The following ZNF358 variants were observed in gnomAD, a reference collection of about 807,000 sequenced individuals.
ZNF358 encodes the protein zinc finger protein 358.
ZNF358 carries 1 observed loss-of-function variant against 2.1 expected under a neutral mutation model. The observed-to-expected ratio is 0.49, with a 90% CI of 0.17 to 2.30. The LOEUF (loss-of-function observed/expected upper bound fraction) is 2.30. ZNF358 is among the 30% of genes most tolerant of loss of function. ZNF358 has a pLI of 0.26. For synonymous variants in ZNF358, 381 were observed against 359.7 expected (o/e 1.06, Z -0.67); for missense variants, 665 against 806.8 (o/e 0.82, Z 2.13).
At chr19:7,519,063 T>TTAAAA in intron 1 of ZNF358, 142 bp from the exon 2 acceptor site, 1 of 684,774 alleles carries the variant, frequency 1.5e-6, no homozygotes, top group Non-Finnish European at 2.0e-6. Context: ...AGACCCCATC[T>TTAAAA]CAAAAAAAAA....
At position 7,520,499 on chromosome 19, in the gene ZNF358, C is replaced by T. The variant is rs1004709999; in HGVS notation, c.1257C>T (p.Gly419=). Residue 419 remains glycine, a synonymous_variant, in exon 2 of 2, where the codon GGC becomes GGT. Coordinates refer to ENST00000597229, the MANE Select transcript of ZNF358 (RefSeq NM_018083.5). The surrounding 1 kb of genome is among the most constrained non-coding windows in gnomAD (Gnocchi z 6.0). The part of the protein sequence containing the change: ...AAAAAAAAGL[G]LGPGLSPASM... ...CTGCAGCAGCGGCCGCCGGCCTGGG[C>T]CTCGGGCCTGGCCTAAGCCCTGCAT... 23 of 1,275,472 alleles carry T rather than the reference C, an allele frequency of 1.8e-5. No individual in the cohort carries two copies. In the African/African-American group the frequency reaches 3.1e-4, roughly 17 times the overall value. 79.0% of individuals were successfully genotyped at this position (1,275,472 alleles called of 1,614,324 possible).
chr19:7,515,150 G>C (rs191471135), upstream of ZNF358: 1 of 152,124 alleles, frequency 6.6e-6, no homozygotes, highest in East Asian at 1.9e-4. Flanking sequence ...CTCTATCTTG[G>C]TTCAGACATG....
upstream of ZNF358, among the ~76,000 whole-genome samples, chr19:7,514,262 G>A (rs59421185): frequency 0.034 from 5,211 of 152,284 alleles, 255 homozygotes; most frequent in African/African-American, 0.11. Flanking sequence ...TCCAGCTCAC[G>A]TGGGACTGGG....
chr19:7,518,195 C>T (rs1312423991), intron 1 of ZNF358, among the ~76,000 whole-genome samples: 3 of 152,186 alleles, frequency 2.0e-5, no homozygotes, highest in Non-Finnish European at 4.4e-5. Flanking sequence ...AGGTTTGGGG[C>T]TGAGAGGGGA....
rs746963840 is a variant in ZNF358, at chr19:7,520,629, G to T, written c.1387G>T (p.Asp463Tyr). ...TGGCACCAGCTCTGGCCGCAACCCT[G>T]ACCCTGGCTCTGGGCCGGGCACTCT... ...SPGTSSGRNP[D>Y]PGSGPGTLPD... The change falls in exon 2 of 2, where the codon GAC becomes TAC. Residue 463 changes from aspartate (D) to tyrosine (Y), a missense_variant. Around this residue, in one of 3 missense-constraint regions of ZNF358, gnomAD observed 249 missense variants for 227.6 expected, o/e 1.09. Coordinates refer to ENST00000597229, the MANE Select transcript of ZNF358 (RefSeq NM_018083.5). This position sits in a 1 kb window ranked among gnomAD's most constrained non-coding sequence, Gnocchi z 6.0. 3 of 1,542,290 alleles carry T rather than the reference G, an allele frequency of 1.9e-6. No individual in the cohort carries two copies. The highest frequency in any genetic ancestry group is 2.6e-6 in the Non-Finnish European group (3 of 1,133,074).
Position 7,520,699 on chromosome 19 carries a change from C to G in ZNF358, c.1457C>G (p.Pro486Arg), listed in dbSNP as rs781155547. 6.2e-7 allele frequency: 1 copy of G among 1,613,822 alleles called. No homozygotes were observed. The highest frequency in any genetic ancestry group is 8.5e-7 in the Non-Finnish European group (1 of 1,179,986). ...CCCCTCCCCGGCTCCAGATCCACCC[C>G]CAGCCCTACTCCTGTGGAATCTTCT... is the stretch of plus-strand genomic sequence containing the variant. ...SKPLPGSRST[P>R]SPTPVESSDP... Residue 486 changes from proline to arginine, a missense_variant, in exon 2 of 2, where the codon CCC (proline) becomes CGC (arginine). Pro to Arg is a moderately radical substitution (Grantham distance 103). Coordinates refer to ENST00000597229, the MANE Select transcript of ZNF358 (RefSeq NM_018083.5). The surrounding 1 kb of genome is among the most constrained non-coding windows in gnomAD (Gnocchi z 6.0).
intron 1 of ZNF358, 62 bp from the exon 2 acceptor site, chr19:7,519,143 A>T (rs1356488177): frequency 2.7e-6 from 4 of 1,505,516 alleles, no homozygotes; most frequent in Non-Finnish European, 3.5e-6. Flanking sequence ...ACCAGACTCC[A>T]AAAGACACCC....
At position 7,520,814 on chromosome 19, in the gene ZNF358, C is replaced by T; in HGVS notation, c.1572C>T (p.Pro524=). Residue 524 remains proline (P), a synonymous_variant, in exon 2 of 2, where the codon CCC becomes CCT. Coordinates refer to ENST00000597229, the MANE Select transcript of ZNF358 (RefSeq NM_018083.5). The surrounding 1 kb of genome is among the most constrained non-coding windows in gnomAD (Gnocchi z 6.0). ...CCAGCCCAGACCCTGATCCTGTGCCCAGCCCTGATCCCAACCCTGTGTCCT... is the reference window on the plus strand; with the variant it reads ...CCAGCCCAGACCCTGATCCTGTGCCTAGCCCTGATCCCAACCCTGTGTCCT... The part of the protein sequence containing the change: ...PVPSPDPDPV[P]SPDPNPVSCP... 6.2e-7 allele frequency: 1 copy of T among 1,614,110 alleles called. No homozygotes were observed. The highest frequency in any genetic ancestry group is 8.5e-7 in the Non-Finnish European group (1 of 1,180,028).
chr19:7,519,764 C>A lies in ZNF358; in HGVS notation c.522C>A (p.Ser174Arg). ...TGAGCCAGCATCGCCGCACGCACAG[C>A]GGCGAGAAGCCGTACCGCTGCCCCG... ...SGLSQHRRTH[S>R]GEKPYRCPDC... The change falls in exon 2 of 2, where the codon AGC (serine) becomes AGA (arginine). Residue 174 changes from serine to arginine, a missense_variant. Ser to Arg is a moderately radical substitution (Grantham distance 110). Around this residue, in one of 3 missense-constraint regions of ZNF358, gnomAD observed 210 missense variants for 350.8 expected, o/e 0.60. Transcript: ENST00000597229. 1.3e-6 allele frequency: 2 copies of A among 1,524,648 alleles called. No individual in the cohort carries two copies. The highest frequency in any genetic ancestry group is 1.8e-6 in the Non-Finnish European group (2 of 1,142,718). 94.4% of individuals were successfully genotyped at this position (1,524,648 alleles called of 1,614,324 possible).
chr19:7,515,107 G>T (rs111477512), upstream of ZNF358, among the ~76,000 whole-genome samples: 1 of 152,178 alleles, frequency 6.6e-6, no homozygotes, highest in Admixed American at 6.5e-5. Context: ...AGGGGGATGA[G>T]AACTCATTTT....
At position 7,520,998 on chromosome 19, in the gene ZNF358, G is replaced by C. The variant is rs758496567; in HGVS notation, c.*49G>C. The C allele has an allele frequency of 6.3e-7, 1 of 1,584,498 alleles. No homozygotes were observed. The highest frequency in any genetic ancestry group is 1.1e-5 in the South Asian group (1 of 87,290). On this transcript the variant is annotated 3_prime_UTR_variant, in exon 2 of 2. Coordinates refer to ENST00000597229, the MANE Select transcript of ZNF358 (RefSeq NM_018083.5). The surrounding 1 kb of genome is among the most constrained non-coding windows in gnomAD (Gnocchi z 6.0). ...GCCTGGGGAAGTTGTGTGTTGTGCA[G>C]TCAGTAAAATCCTCCCACTGCCTCC...
chr19:7,520,191 C>T lies in ZNF358; in HGVS notation c.949C>T (p.Arg317Cys). The T allele has an allele frequency of 6.3e-7, 1 of 1,598,358 alleles. No homozygotes were observed. ...GCACCAGCGCACACACACGGCCGAG[C>T]GCCCCTACCGCTGCCCCCACTGCGG... is the stretch of plus-strand genomic sequence containing the variant. Reference protein sequence around the residue: ...LQHQRTHTAERPYRCPHCGKA... With the variant: ...LQHQRTHTAECPYRCPHCGKA... The change falls in exon 2 of 2, where the codon CGC (arginine) becomes TGC (cysteine). Residue 317 changes from arginine (R) to cysteine (C), a missense_variant. Around this residue, in one of 3 missense-constraint regions of ZNF358, gnomAD observed 210 missense variants for 350.8 expected, o/e 0.60. Transcript: ENST00000597229. The surrounding 1 kb of genome is among the most constrained non-coding windows in gnomAD (Gnocchi z 6.0).
upstream of ZNF358, chr19:7,515,443 A>G (rs2022323277): frequency 6.6e-6 from 1 of 152,336 alleles, no homozygotes; most frequent in Non-Finnish European, 1.5e-5. Flanking sequence ...GAATATCCCA[A>G]ATCTGTGCCT....
chr19:7,519,793 G>A lies in ZNF358; in HGVS notation c.551G>A (p.Cys184Tyr), dbSNP rs1313422387. 6.5e-7 allele frequency: 1 copy of A among 1,532,072 alleles called. No individual in the cohort carries two copies. The highest frequency in any genetic ancestry group is 8.7e-7 in the Non-Finnish European group (1 of 1,145,464). 94.9% of individuals were successfully genotyped at this position (1,532,072 alleles called of 1,614,324 possible). Reference protein sequence around the residue: ...SGEKPYRCPDCGKSFSHGATL... With the variant: ...SGEKPYRCPDYGKSFSHGATL... Reference sequence around the variant, plus strand: ...GAGAAGCCGTACCGCTGCCCCGACTGCGGGAAGTCCTTCAGCCACGGTGCC... The same window carrying A: ...GAGAAGCCGTACCGCTGCCCCGACTACGGGAAGTCCTTCAGCCACGGTGCC... The change falls in exon 2 of 2, where the codon TGC becomes TAC. Residue 184 changes from cysteine (C) to tyrosine (Y), a missense_variant. Cys to Tyr is a radical substitution (Grantham distance 194). This residue lies in a region of ZNF358 where 210 missense variants were observed against 350.8 expected (regional missense o/e 0.60). Coordinates refer to ENST00000597229, the MANE Select transcript of ZNF358 (RefSeq NM_018083.5).
rs2022350900 is a variant in ZNF358 at position 7,516,906 on chromosome 19, T to C, written c.-39+657T>C. 6.6e-6 allele frequency among the ~76,000 whole-genome samples: 1 copy of C among 152,146 alleles called. No homozygotes were observed. Among genetic ancestry groups the C allele is most frequent in the African/African-American group, 2.4e-5 (1 of 41,440 alleles). ...CCTGGAGGCAATCTAAGGGTTCCTC[T>C]GCCCCTGATGCAGGAGGGGTCCCAG... On this transcript the variant is annotated intron_variant, in intron 1 of 1. Transcript: ENST00000597229. This position sits in a 1 kb window ranked among gnomAD's most constrained non-coding sequence, Gnocchi z 5.9.
rs532728391 is a variant in ZNF358, at chr19:7,520,689, A to G, written c.1447A>G (p.Arg483Gly). 1 of 1,613,536 alleles carries G rather than the reference A, an allele frequency of 6.2e-7. No homozygotes were observed. The highest frequency in any genetic ancestry group is 1.1e-5 in the South Asian group (1 of 91,064). The stretch of plus-strand genomic sequence containing the variant: ...CAGCTCCAAACCCCTCCCCGGCTCC[A>G]GATCCACCCCCAGCCCTACTCCTGT... ...DPSSKPLPGS[R>G]STPSPTPVES... Residue 483 changes from arginine (R) to glycine (G), a missense_variant, in exon 2 of 2, where the codon AGA becomes GGA. Arg to Gly is a moderately radical substitution (Grantham distance 125). This residue lies in a region of ZNF358 where 249 missense variants were observed against 227.6 expected (regional missense o/e 1.09). Coordinates refer to ENST00000597229, the MANE Select transcript of ZNF358 (RefSeq NM_018083.5). This position sits in a 1 kb window ranked among gnomAD's most constrained non-coding sequence, Gnocchi z 6.0.
Position 7,519,654 on chromosome 19 carries a change from C to T in ZNF358, c.412C>T (p.Pro138Ser), listed in dbSNP as rs1445110359. 6.3e-7 allele frequency: 1 copy of T among 1,583,122 alleles called. No individual in the cohort carries two copies. The highest frequency in any genetic ancestry group is 1.7e-5 in the Admixed American group (1 of 57,932). Residue 138 changes from proline (P) to serine (S), a missense_variant, in exon 2 of 2, where the codon CCC becomes TCC. Physicochemically the swap from Pro to Ser is moderately conservative, Grantham distance 74. Coordinates refer to ENST00000597229, the MANE Select transcript of ZNF358 (RefSeq NM_018083.5). ...CACCCCCCAGGTCTTGGCCACCAGC[C>T]CCGCGGTGCTCCCCGCCCCCGCCAG... ...TATPQVLATS[P>S]AVLPAPASPP... is the part of the protein sequence containing the mutation.
Position 7,519,983 on chromosome 19 carries a change from C to T in ZNF358, c.741C>T (p.Gly247=). ...TGTGTGGCAAGGCCTTCGGGCACGGCTCGCTCCTGGCACAGCACCTGCGCA... is the reference window on the plus strand; with the variant it reads ...TGTGTGGCAAGGCCTTCGGGCACGGTTCGCTCCTGGCACAGCACCTGCGCA... The part of the protein sequence containing the change: ...CPVCGKAFGH[G]SLLAQHLRTH... The change falls in exon 2 of 2, where the codon GGC becomes GGT. Residue 247 remains glycine (G), a synonymous_variant. Transcript: ENST00000597229. 6.6e-7 allele frequency: 1 copy of T among 1,519,172 alleles called. No homozygotes were observed. Among genetic ancestry groups the T allele is most frequent in the Non-Finnish European group, 8.8e-7 (1 of 1,138,612 alleles). 94.1% of individuals were successfully genotyped at this position (1,519,172 alleles called of 1,614,324 possible).
In ZNF358 at chr19:7,516,625, C is replaced by T. The variant is rs979035575; in HGVS notation, c.-39+376C>T. On this transcript the variant is annotated intron_variant, in intron 1 of 1. Coordinates refer to ENST00000597229, the MANE Select transcript of ZNF358 (RefSeq NM_018083.5). The surrounding 1 kb of genome is among the most constrained non-coding windows in gnomAD (Gnocchi z 5.9). ...TTCGAGGTATTGTTCCCACCTCCCG[C>T]CTGGGGTCTGGAGTTCAGGAGGCCC... is the stretch of plus-strand genomic sequence containing the variant. Among the ~76,000 whole-genome samples the T allele has an allele frequency of 2.0e-4, 31 of 151,838 alleles. No individual in the cohort carries two copies. The highest frequency in any genetic ancestry group is 7.3e-4 in the African/African-American group (30 of 41,356).
Sources: gnomAD v4.1 joint callset for allele counts (sites outside exome capture counted in the v4.1 genomes callset) on GRCh38, gnomAD v4.1.1 for gene constraint, gnomAD v4.1.1 regional missense constraint, Gnocchi (gnomAD v3.1) non-coding constraint, MANE v1.5 for transcripts, NCBI Gene and HGNC (gene_info 2026-07-23, HGNC 2026-07-21) for gene names.